The following DISC1 variants were observed in gnomAD, a reference collection of about 807,000 sequenced individuals.
The protein encoded by DISC1 is DISC1 scaffold protein, also known as disrupted in schizophrenia 1 protein.
DISC1 carries 57 observed loss-of-function variants against 84.5 expected under a neutral mutation model. That is an observed-to-expected ratio of 0.67 (90% CI 0.55 to 0.84). The LOEUF is 0.84. Among genes scored for constraint, DISC1 ranks in the 40% least tolerant of loss-of-function variants. DISC1 has a pLI of 0.00. For missense variants in DISC1, 1,000 were observed against 1,057.8 expected (o/e 0.95, Z 0.76); for synonymous variants, 411 against 415.2 (o/e 0.99, Z 0.12).
chr1:231,788,998 A>C (rs1282913340), intron 6 of DISC1, among the ~76,000 whole-genome samples: 1 of 151,886 alleles, frequency 6.6e-6, no homozygotes, highest in Non-Finnish European at 1.5e-5. Flanking sequence ...GTACTTCTCC[A>C]AAAATCCTTG....
chr1:232,006,756 C>G (rs914808382), intron 10 of DISC1, among the ~76,000 whole-genome samples: 1 of 152,156 alleles, frequency 6.6e-6, no homozygotes, highest in African/African-American at 2.4e-5. Context: ...GCATAAGTAA[C>G]AAGCAACCAA....
At chr1:231,900,402 G>T (rs999155262) in intron 9 of DISC1, among the ~76,000 whole-genome samples, 8 of 152,170 alleles carry the variant, frequency 5.3e-5, no homozygotes, top group Admixed American at 3.9e-4. Flanking sequence ...CTAAGGGAAG[G>T]CTTCAAATAA....
At chr1:232,033,487 C>G (rs1670242166) in intron 12 of DISC1, among the ~76,000 whole-genome samples, 1 of 152,210 alleles carries the variant, frequency 6.6e-6, no homozygotes, top group Admixed American at 6.5e-5. Flanking sequence ...CCCTCTGCTC[C>G]AGGTCCTCCC....
chr1:231,985,177 T>C (rs926814536), intron 10 of DISC1, among the ~76,000 whole-genome samples: 2 of 151,618 alleles, frequency 1.3e-5, no homozygotes, highest in Non-Finnish European at 2.9e-5. Context: ...AAAAAAAATA[T>C]TAGCCAGGCA....
intron 10 of DISC1, among the ~76,000 whole-genome samples, chr1:232,004,152 A>G (rs1202392498): frequency 6.6e-6 from 1 of 151,944 alleles, no homozygotes; most frequent in African/African-American, 2.4e-5. Flanking sequence ...AAGAAAACAA[A>G]TGAGTTAAGT....
intron 11 of DISC1, among the ~76,000 whole-genome samples, chr1:232,020,981 C>T (rs1295150911): frequency 6.6e-6 from 1 of 152,194 alleles, no homozygotes; most frequent in African/African-American, 2.4e-5. Context: ...TGAAATACAC[C>T]TGATGCTTCC....
At chr1:231,868,957 T>C (rs1254961271) in intron 9 of DISC1, among the ~76,000 whole-genome samples, 10 of 149,636 alleles carry the variant, frequency 6.7e-5, no homozygotes, top group Admixed American at 4.7e-4. Flanking sequence ...AATGCAATCA[T>C]GGGGTAATAA....
chr1:232,002,906 G>C (rs1252994260), intron 10 of DISC1, among the ~76,000 whole-genome samples: 1 of 152,082 alleles, frequency 6.6e-6, no homozygotes, highest in Non-Finnish European at 1.5e-5. Flanking sequence ...CACACAAGGG[G>C]AACTCTGACG....
intron 1 of DISC1, among the ~76,000 whole-genome samples, chr1:231,674,734 G>A (rs947209303): frequency 3.3e-5 from 5 of 152,220 alleles, no homozygotes; most frequent in African/African-American, 7.2e-5. Context: ...TATGGCCTTC[G>A]TGGCCATGTG....
intron 10 of DISC1, among the ~76,000 whole-genome samples, chr1:232,004,870 TCCC>T (rs1667160717): frequency 1.9e-5 from 1 of 52,898 alleles, no homozygotes; most frequent in Non-Finnish European, 3.5e-5. Context: ...CCTCCCTGCC[TCCC>T]TCCCTCCCTC....
chr1:231,861,896 G>A (rs187538955), intron 9 of DISC1, among the ~76,000 whole-genome samples: 4 of 152,206 alleles, frequency 2.6e-5, no homozygotes, highest in Non-Finnish European at 4.4e-5. Context: ...TTACAACAGC[G>A]ACTAGGACCA....
In DISC1 at chr1:231,781,959, G is replaced by A. The variant is rs184138280; in HGVS notation, c.1634+10889G>A. On this transcript the variant is annotated intron_variant, in intron 6 of 12. Transcript: ENST00000439617. ...TTGCTGAGAATTTAATCAGTTAAGA[G>A]CACACCTTTTTCGAGCTGTGGAAGG... Among the ~76,000 whole-genome samples the A allele has an allele frequency of 3.6e-3, 550 of 152,336 alleles. 1 individual carries two copies. Among genetic ancestry groups the A allele is most frequent in the Middle Eastern group, 6.8e-3 (2 of 294 alleles).
intron 11 of DISC1, among the ~76,000 whole-genome samples, chr1:232,012,937 C>A (rs1162459488): frequency 6.6e-6 from 1 of 152,148 alleles, no homozygotes; most frequent in Non-Finnish European, 1.5e-5. Context: ...GAGCCCTTTT[C>A]TTTTCCAGTT....
chr1:231,892,888 A>T (rs1442205141), intron 9 of DISC1, among the ~76,000 whole-genome samples: 1 of 152,182 alleles, frequency 6.6e-6, no homozygotes, highest in African/African-American at 2.4e-5. Context: ...CAGGCCAGGT[A>T]TAGTGGCTCA....
At chr1:231,662,378 G>A (rs900434506) in intron 1 of DISC1, among the ~76,000 whole-genome samples, 5 of 152,188 alleles carry the variant, frequency 3.3e-5, no homozygotes, top group African/African-American at 1.2e-4. Context: ...AGAGATGGCA[G>A]CCACCTCTCC....
intron 8 of DISC1, chr1:231,814,891 A>G (rs1040348842): frequency 1.3e-5 from 2 of 151,662 alleles, no homozygotes; most frequent in South Asian, 2.1e-4. Context: ...TTCCTGGCTG[A>G]TGGTGATTGT....
At chr1:231,871,213 C>T (rs6698332) in intron 9 of DISC1, among the ~76,000 whole-genome samples, 136,377 of 152,176 alleles carry the variant, frequency 0.9, 61,192 homozygotes, top group East Asian at 1. Flanking sequence ...GACTAGGCTA[C>T]AAATGCATAT....
intron 3 of DISC1, among the ~76,000 whole-genome samples, chr1:231,711,712 C>T (rs1320512983): frequency 6.6e-6 from 1 of 152,098 alleles, no homozygotes; most frequent in Non-Finnish European, 1.5e-5. Context: ...TAACCTAGTA[C>T]CAGCTGAAAA....
intron 1 of DISC1, among the ~76,000 whole-genome samples, chr1:231,683,533 C>T (rs2063906120): frequency 6.7e-6 from 1 of 148,972 alleles, no homozygotes; most frequent in Non-Finnish European, 1.5e-5. Flanking sequence ...TCAAGCTATC[C>T]TCCTGGGCAC....
Sources: allele counts gnomAD v4.1 joint callset (sites outside exome capture counted in the v4.1 genomes callset), GRCh38; gene constraint gnomAD v4.1.1; transcripts MANE v1.5; gene names NCBI Gene and HGNC (gene_info 2026-07-23, HGNC 2026-07-21).